Variants in TMC4 observed in about 807,000 individuals in gnomAD.
TMC4 encodes the protein transmembrane channel like 4.
A neutral mutation model predicts 82.0 loss-of-function variants in TMC4; 70 were observed. The ratio of observed to expected loss-of-function variants is 0.85; its 90% CI spans 0.70 to 1.04. The LOEUF is 1.04. Ranked by LOEUF, TMC4 falls within the 50% of genes least tolerant of loss-of-function variation. The pLI is 0.00. For missense variants in TMC4, 879 were observed against 899.0 expected, an observed-to-expected ratio of 0.98 and a Z score of 0.28; for synonymous variants, 446 against 406.0, an observed-to-expected ratio of 1.10 and a Z score of -1.18.
intron 13 of TMC4, 80 bp from the exon 14 acceptor site, chr19:54,160,625 A>G (rs2075519529): frequency 5.0e-6 from 8 of 1,596,708 alleles, no homozygotes; most frequent in Non-Finnish European, 6.8e-6. Flanking sequence ...GAAGCCAGGG[A>G]TGTGGACGCC....
rs756307342 is a variant in TMC4, at chr19:54,160,895, G to A, written c.1956C>T (p.Pro652=). ...CGTCTCACCTGGAGATCAGCAGAAGGGGCACAGCAAAAGCCTGGGTCCCCA... is the reference window on the plus strand; with the variant it reads ...CGTCTCACCTGGAGATCAGCAGAAGAGGCACAGCAAAAGCCTGGGTCCCCA... ...FFLGTQAFAV[P]LLLISSILMA... is the part of the protein sequence containing the mutation. Residue 652 remains proline (P), a synonymous_variant, in exon 13 of 15, where the codon CCC becomes CCT. Transcript: ENST00000619895. 3.1e-6 allele frequency: 5 copies of A among 1,613,952 alleles called. No homozygotes were observed. The South Asian group carries it at 3.3e-5, about 11-fold the overall frequency.
intron 2 of TMC4, 38 bp downstream of exon 2, chr19:54,171,832 C>G: frequency 1.3e-6 from 2 of 1,543,578 alleles, no homozygotes; most frequent in Non-Finnish European, 1.7e-6. Context: ...AGGGCCCGGT[C>G]CGGGCTGTGC....
intron 11 of TMC4, among the ~76,000 whole-genome samples, 195 bp downstream of exon 11, chr19:54,161,906 CT>C (rs2075564487): frequency 1.3e-5 from 2 of 152,112 alleles, no homozygotes; most frequent in South Asian, 4.2e-4. Flanking sequence ...ACCCCGGAGT[CT>C]GAGTCCCCAG....
chr19:54,160,714 C>T, intron 13 of TMC4, 164 bp downstream of exon 13: 2 of 1,407,380 alleles, frequency 1.4e-6, no homozygotes. Flanking sequence ...CTACGTCCCG[C>T]CCACCTCCTC....
In TMC4 at chr19:54,160,460, G is replaced by A; in HGVS notation, c.2052+7C>T. The A allele has an allele frequency of 1.2e-6, 2 of 1,613,350 alleles. No individual in the cohort carries two copies. The highest frequency in any genetic ancestry group is 1.7e-6 in the Non-Finnish European group (2 of 1,179,434). On this transcript the variant is annotated splice_region_variant and intron_variant, in intron 14 of 14. Coordinates refer to ENST00000619895, the MANE Select transcript of TMC4 (RefSeq NM_144686.4). ...CAGGGGCCCTCTCAGGGACCCGCCT[G>A]GCTCACCGTCTCTCTCTGACGTTTG...
chr19:54,161,961 A>C (rs2075565619), intron 11 of TMC4, 141 bp downstream of exon 11: 7 of 686,372 alleles, frequency 1.0e-5, no homozygotes, highest in Non-Finnish European at 1.6e-5. Flanking sequence ...CCCTCCTCTC[A>C]GATGCAGTAG....
chr19:54,169,809 G>A, intron 2 of TMC4, 149 bp from the exon 3 acceptor site: 1 of 1,202,238 alleles, frequency 8.3e-7, no homozygotes, highest in Non-Finnish European at 1.1e-6. Context: ...AAAGAAACCA[G>A]CTGGGTACAG....
In TMC4 at chr19:54,168,450, C is replaced by T. The variant is rs1368439054; in HGVS notation, c.673G>A (p.Glu225Lys). The T allele has an allele frequency of 2.6e-6, 4 of 1,542,460 alleles. No homozygotes were observed. The highest frequency in any genetic ancestry group is 1.2e-5 in the South Asian group (1 of 83,122). Residue 225 changes from glutamate (E) to lysine (K), a missense_variant and splice_region_variant, in exon 4 of 15, where the codon GAG becomes AAG. Glu to Lys is a moderately conservative substitution (Grantham distance 56). Coordinates refer to ENST00000619895, the MANE Select transcript of TMC4 (RefSeq NM_144686.4). Reference sequence around the variant, plus strand: ...CCCCCAGGGACCCAGGCACCTACCTCACCCGAGAGCAAGTTGAAGAGCTGG... The same window carrying T: ...CCCCCAGGGACCCAGGCACCTACCTTACCCGAGAGCAAGTTGAAGAGCTGG... ...ATQLFNLLSG[E>K]GYLEWSPLFY...
chr19:54,160,388 AGGTG>A lies in TMC4; in HGVS notation c.2053-18_2053-15del. On this transcript the variant is annotated splice_polypyrimidine_tract_variant and intron_variant, in intron 14 of 14. Transcript: ENST00000619895. ...ATTCTGCGCCTCCTGGGGCAAAGAG[AGGTG>A]GAGGTGAGACAATCCTCTTCCCCAA... The A allele has an allele frequency of 1.3e-6, 2 of 1,558,840 alleles. No homozygotes were observed. The highest frequency in any genetic ancestry group is 1.7e-6 in the Non-Finnish European group (2 of 1,150,066).
At chr19:54,162,918 G>C in intron 9 of TMC4, 115 bp downstream of exon 9, 1 of 1,563,916 alleles carries the variant, frequency 6.4e-7, no homozygotes, top group South Asian at 1.1e-5. Context: ...ACCCTTGGGA[G>C]AGTGTTCCAG....
intron 1 of TMC4, chr19:54,172,735 C>CT: frequency 2.9e-6 from 1 of 348,506 alleles, no homozygotes; most frequent in Non-Finnish European, 5.2e-6. Context: ...GGAGTCCAGG[C>CT]TTTAACTTCC....
At chr19:54,167,421 TGGTGGCC>T (rs1207287180) in intron 5 of TMC4, among the ~76,000 whole-genome samples, 5 of 151,300 alleles carry the variant, frequency 3.3e-5, no homozygotes, top group South Asian at 4.2e-4. Flanking sequence ...TAGCTGGGCG[TGGTGGCC>T]GGAGCCTGTA....
chr19:54,163,446 G>A (rs2075620689), intron 8 of TMC4, among the ~76,000 whole-genome samples: 2 of 151,668 alleles, frequency 1.3e-5, no homozygotes, highest in Non-Finnish European at 2.9e-5. Context: ...GAGTAGCTGG[G>A]ACTACAGAAG....
Position 54,161,228 on chromosome 19 carries a change from G to C in TMC4, c.1719C>G (p.Ala573=), listed in dbSNP as rs759598555. 6.4e-7 allele frequency: 1 copy of C among 1,572,474 alleles called. No individual in the cohort carries two copies. The highest frequency in any genetic ancestry group is 8.6e-7 in the Non-Finnish European group (1 of 1,160,654). ...TCGCCGCGGAGGCCCGGAAGGTGCG[G>C]GCAGCCGGGGAGCAGGTGGAGAAGA... is the stretch of plus-strand genomic sequence containing the variant. The part of the protein sequence containing the change: ...LTLFSTCSPA[A]RTFRASAANF... Residue 573 remains alanine, a synonymous_variant, in exon 12 of 15, where the codon GCC becomes GCG. Coordinates refer to ENST00000619895, the MANE Select transcript of TMC4 (RefSeq NM_144686.4).
Position 54,168,297 on chromosome 19 carries a change from G to A in TMC4, c.676-5C>T, listed in dbSNP as rs762779938. On this transcript the variant is annotated splice_polypyrimidine_tract_variant and splice_region_variant and intron_variant, in intron 4 of 14. Coordinates refer to ENST00000619895, the MANE Select transcript of TMC4 (RefSeq NM_144686.4). ...AGGGGACCATTCCAGGTAACCCTGT[G>A]GGGGGAAGGCGGCGCAGGGGCCACT... The A allele has an allele frequency of 4.5e-6, 7 of 1,551,182 alleles. No individual in the cohort carries two copies. Among genetic ancestry groups the A allele is most frequent in the African/African-American group, 2.7e-5 (2 of 73,152 alleles).
chr19:54,165,935 G>A (rs1184580971), intron 5 of TMC4, among the ~76,000 whole-genome samples: 1 of 152,126 alleles, frequency 6.6e-6, no homozygotes, highest in Non-Finnish European at 1.5e-5. Context: ...CGGAGAAAGG[G>A]AGAAAAAGAC....
intron 5 of TMC4, among the ~76,000 whole-genome samples, chr19:54,167,035 G>A (rs568153709): frequency 6.6e-6 from 1 of 151,966 alleles, no homozygotes; most frequent in Non-Finnish European, 1.5e-5. Context: ...GAGGTGAGCA[G>A]ATCTCTTGAG....
chr19:54,163,410 G>C (rs1034017144), intron 8 of TMC4: 3 of 620,062 alleles, frequency 4.8e-6, no homozygotes, highest in African/African-American at 1.9e-5. Context: ...TCCCAGGCTC[G>C]AGCCATTCTC....
chr19:54,170,792 C>T (rs2146924208), intron 2 of TMC4, among the ~76,000 whole-genome samples: 1 of 152,076 alleles, frequency 6.6e-6, no homozygotes, highest in Admixed American at 6.6e-5. Context: ...GCCACGACAC[C>T]CAGCCCTCCA....
Sources: gnomAD v4.1 joint callset for allele counts (sites outside exome capture counted in the v4.1 genomes callset) on GRCh38, gnomAD v4.1.1 for gene constraint, MANE v1.5 for transcripts, NCBI Gene and HGNC (gene_info 2026-07-23, HGNC 2026-07-21) for gene names.